Variants in ASAP2 observed in about 807,000 individuals in gnomAD.
The protein encoded by ASAP2 is arf-GAP with SH3 domain, ANK repeat and PH domain-containing protein 2.
ASAP2 carries 45 observed loss-of-function variants against 131.4 expected under a neutral mutation model. The ratio of observed to expected loss-of-function variants is 0.34; its 90% CI spans 0.27 to 0.44. The LOEUF is 0.44. Ranked by LOEUF, ASAP2 falls within the 20% of genes least tolerant of loss-of-function variation. The pLI, the probability that ASAP2 is intolerant of heterozygous loss-of-function variation, is 1.00. For missense variants in ASAP2, 1,011 were observed against 1,297.0 expected (o/e 0.78, Z 3.39); for synonymous variants, 510 against 503.0 (o/e 1.01, Z -0.19).
chr2:9,301,733 G>C (rs895839914), intron 3 of ASAP2, among the ~76,000 whole-genome samples: 1 of 152,064 alleles, frequency 6.6e-6, no homozygotes, highest in African/African-American at 2.4e-5. Context: ...CATGAGATCT[G>C]AGGTGACCCT....
At chr2:9,361,974 C>CGCGTGTGTGTGT (rs753445297) in intron 15 of ASAP2, among the ~76,000 whole-genome samples, 57 of 143,280 alleles carry the variant, frequency 4.0e-4, no homozygotes, top group African/African-American at 1.3e-3. Context: ...TCTTTCTCTG[C>CGCGTGTGTGTGT]GTGTGTGTGT....
At chr2:9,266,995 C>G (rs1371026236) in intron 1 of ASAP2, among the ~76,000 whole-genome samples, 3 of 152,192 alleles carry the variant, frequency 2.0e-5, no homozygotes, top group Non-Finnish European at 4.4e-5. Context: ...TCCTGAAGTT[C>G]ACTTTCATTT....
At chr2:9,245,787 A>C (rs1664296500) in intron 1 of ASAP2, among the ~76,000 whole-genome samples, 1 of 151,862 alleles carries the variant, frequency 6.6e-6, no homozygotes, top group Non-Finnish European at 1.5e-5. Context: ...CCTCCACTAG[A>C]GTGTCATGGA....
intron 9 of ASAP2, among the ~76,000 whole-genome samples, chr2:9,335,771 A>G (rs1377554688): frequency 6.6e-6 from 1 of 152,248 alleles, no homozygotes; most frequent in East Asian, 1.9e-4. Context: ...AAAAGCCATT[A>G]AAAAGTAAGT....
chr2:9,403,409 T>C lies in ASAP2; in HGVS notation c.*82T>C, dbSNP rs1676920966. The C allele has an allele frequency of 7.2e-7, 1 of 1,384,434 alleles. No homozygotes were observed. The highest frequency in any genetic ancestry group is 1.0e-6 in the Non-Finnish European group (1 of 983,606). 85.8% of individuals were successfully genotyped at this position (1,384,434 alleles called of 1,614,324 possible). ...AACTCTTGCCAGATAACCAGTTTCA[T>C]GAACTGTTTGTATGGCAGCCCATGT... On this transcript the variant is annotated 3_prime_UTR_variant, in exon 28 of 28. Coordinates refer to ENST00000281419, the MANE Select transcript of ASAP2 (RefSeq NM_003887.3).
At chr2:9,334,941 C>T (rs951508883) in intron 8 of ASAP2, 128 bp downstream of exon 8, 18 of 1,342,670 alleles carry the variant, frequency 1.3e-5, no homozygotes, top group Middle Eastern at 3.7e-4. Flanking sequence ...GGCGTTCCCA[C>T]GCCTGTCCTC....
intron 18 of ASAP2, 107 bp from the exon 19 acceptor site, chr2:9,378,837 G>A: frequency 1.5e-6 from 1 of 671,482 alleles, no homozygotes; most frequent in South Asian, 5.7e-5. Flanking sequence ...TTCACTCGGG[G>A]ACTGTCTGCC....
At chr2:9,240,142 G>A (rs1217112204) in intron 1 of ASAP2, among the ~76,000 whole-genome samples, 2 of 151,870 alleles carry the variant, frequency 1.3e-5, no homozygotes, top group East Asian at 3.9e-4. Flanking sequence ...TCCCTGGGGG[G>A]TATGTTCCAA....
chr2:9,358,513 C>T (rs1672860146), intron 14 of ASAP2, among the ~76,000 whole-genome samples: 1 of 152,088 alleles, frequency 6.6e-6, no homozygotes, highest in Admixed American at 6.5e-5. Context: ...CACACAGCAC[C>T]TGTCACATGA....
intron 3 of ASAP2, among the ~76,000 whole-genome samples, chr2:9,302,148 CAGA>C (rs1668529529): frequency 1.0e-5 from 1 of 99,374 alleles, no homozygotes; most frequent in Non-Finnish European, 2.0e-5. Flanking sequence ...TTCCCAAACA[CAGA>C]TGATGTGAGT....
intron 1 of ASAP2, among the ~76,000 whole-genome samples, chr2:9,224,107 T>C (rs1662604119): frequency 6.6e-6 from 1 of 152,150 alleles, no homozygotes; most frequent in Non-Finnish European, 1.5e-5. Context: ...AGTATGGAAT[T>C]TGGGCCTTGG....
At chr2:9,230,232 T>A (rs1367665108) in intron 1 of ASAP2, among the ~76,000 whole-genome samples, 3 of 152,208 alleles carry the variant, frequency 2.0e-5, no homozygotes, top group Non-Finnish European at 4.4e-5. Context: ...CAGTTGCTAT[T>A]GGCAACACCA....
At chr2:9,297,486 T>G (rs1668219647) in intron 3 of ASAP2, 41 bp downstream of exon 3, 15 of 1,609,994 alleles carry the variant, frequency 9.3e-6, no homozygotes, top group Non-Finnish European at 1.3e-5. Context: ...TTACTTCAGT[T>G]GGGAAAGTGG....
At chr2:9,310,566 A>C (rs941814332) in intron 3 of ASAP2, among the ~76,000 whole-genome samples, 11 of 152,180 alleles carry the variant, frequency 7.2e-5, no homozygotes, top group African/African-American at 2.7e-4. Flanking sequence ...CCTTTGGGCA[A>C]GATCATTTGA....
chr2:9,326,678 C>A (rs1459070694), intron 6 of ASAP2, among the ~76,000 whole-genome samples: 4 of 152,160 alleles, frequency 2.6e-5, no homozygotes, highest in Non-Finnish European at 5.9e-5. Context: ...TCTTTCGCTG[C>A]TGATGCTTTA....
chr2:9,352,202 AACACACACAAACAC>A (rs1451141532), intron 12 of ASAP2, among the ~76,000 whole-genome samples: 45 of 142,976 alleles, frequency 3.1e-4, no homozygotes, highest in African/African-American at 1.1e-3. Flanking sequence ...AACTCTTTAA[AACACACACAAACAC>A]ACACACACAC....
In ASAP2 at chr2:9,355,813, G is replaced by C. The variant is rs529116444; in HGVS notation, c.1112-234G>C. ...TTGAATAGCTTCAGTTTTTAGAAGC[G>C]GCGTCTTTTAAAACTTGAATGAGGG... On this transcript the variant is annotated intron_variant, in intron 12 of 27. Coordinates refer to ENST00000281419, the MANE Select transcript of ASAP2 (RefSeq NM_003887.3). Among the ~76,000 whole-genome samples, 5 of 152,156 alleles carry C rather than the reference G, an allele frequency of 3.3e-5. No individual in the cohort carries two copies. The East Asian group carries it at 9.7e-4, about 29-fold the overall frequency.
At chr2:9,375,051 T>C in intron 17 of ASAP2, 107 bp downstream of exon 17, 1 of 1,003,940 alleles carries the variant, frequency 1.0e-6, no homozygotes, top group Non-Finnish European at 1.4e-6. Flanking sequence ...CGGAGGATCC[T>C]TTGAGCTCAG....
intron 1 of ASAP2, among the ~76,000 whole-genome samples, chr2:9,253,664 G>C (rs1324009311): frequency 2.0e-5 from 3 of 152,134 alleles, no homozygotes. Context: ...GGAATGATAG[G>C]GTATGTAACC....
Sources: gnomAD v4.1 joint callset for allele counts (sites outside exome capture counted in the v4.1 genomes callset) on GRCh38, gnomAD v4.1.1 for gene constraint, MANE v1.5 for transcripts, NCBI Gene and HGNC (gene_info 2026-07-23, HGNC 2026-07-21) for gene names.